The following WDFY4 variants were observed in gnomAD, a reference collection of about 807,000 sequenced individuals.
WDFY4 encodes WD repeat- and FYVE domain-containing protein 4.
In WDFY4, 169 loss-of-function variants were observed where a neutral mutation model predicts 351.9. That is an observed-to-expected ratio of 0.48 (90% CI 0.42 to 0.55). The LOEUF (loss-of-function observed/expected upper bound fraction) is 0.55, where lower values mean the gene tolerates loss of function less well. Among genes scored for constraint, WDFY4 ranks in the 20% least tolerant of loss-of-function variants. WDFY4 has a pLI of 0.00. For synonymous variants in WDFY4, 1,622 were observed against 1,574.6 expected (o/e 1.03, Z -0.71); for missense variants, 3,803 against 3,935.6 (o/e 0.97, Z 0.90).
At chr10:48,780,778 CACAAG>C (rs1334439054) in intron 19 of WDFY4, among the ~76,000 whole-genome samples, 3 of 152,162 alleles carry the variant, frequency 2.0e-5, no homozygotes, top group Non-Finnish European at 4.4e-5. Context: ...TGGATTTTCA[CACAAG>C]TTCCAGGGAG....
intron 23 of WDFY4, among the ~76,000 whole-genome samples, chr10:48,792,383 A>G (rs538361367): frequency 1.3e-5 from 2 of 152,316 alleles, no homozygotes; most frequent in South Asian, 4.1e-4. Context: ...TCTCTACTGG[A>G]ATCTTCTAAA....
At chr10:48,860,720 T>C (rs2069307037) in intron 39 of WDFY4, among the ~76,000 whole-genome samples, 1 of 152,240 alleles carries the variant, frequency 6.6e-6, no homozygotes, top group Non-Finnish European at 1.5e-5. Flanking sequence ...TGATATTTTC[T>C]ATTTTCAATT....
At chr10:48,835,296 GT>G (rs2068348055) in intron 39 of WDFY4, among the ~76,000 whole-genome samples, 1 of 152,222 alleles carries the variant, frequency 6.6e-6, no homozygotes, top group Admixed American at 6.5e-5. Context: ...GGCTGGGCTT[GT>G]TCAGATGGAG....
intron 11 of WDFY4, among the ~76,000 whole-genome samples, chr10:48,740,081 C>A (rs868110737): frequency 6.6e-6 from 1 of 152,168 alleles, no homozygotes; most frequent in Admixed American, 6.5e-5. Flanking sequence ...CTAACAGAAG[C>A]GCTTATTCAT....
At chr10:48,963,691 C>A in intron 53 of WDFY4, 151 bp from the exon 54 acceptor site, 1 of 874,108 alleles carries the variant, frequency 1.1e-6, no homozygotes, top group Non-Finnish European at 1.7e-6. Context: ...GCTCATCCTG[C>A]CTCTTTGTGC....
At chr10:48,802,735 A>G in intron 24 of WDFY4, 1 of 471,314 alleles carries the variant, frequency 2.1e-6, no homozygotes, top group South Asian at 1.5e-5. Flanking sequence ...TTTGTCATGC[A>G]TGAGATGACA....
chr10:48,864,275 G>C (rs904081866), intron 39 of WDFY4, among the ~76,000 whole-genome samples: 2 of 152,122 alleles, frequency 1.3e-5, no homozygotes, highest in South Asian at 2.1e-4. Context: ...ATGCAGTAAA[G>C]GTTTAACTTC....
chr10:48,924,331 C>A (rs1296560649), intron 47 of WDFY4, among the ~76,000 whole-genome samples: 2 of 152,130 alleles, frequency 1.3e-5, no homozygotes, highest in Non-Finnish European at 2.9e-5. Flanking sequence ...AGAAGCAGAC[C>A]CAGTGCCAGA....
At position 48,727,616 on chromosome 10, in the gene WDFY4, G is replaced by C. The variant is rs2064313165; in HGVS notation, c.928G>C (p.Glu310Gln). The C allele has an allele frequency of 6.4e-7, 1 of 1,552,022 alleles. No homozygotes were observed. The highest frequency in any genetic ancestry group is 8.7e-7 in the Non-Finnish European group (1 of 1,147,052). The change falls in exon 7 of 62, where the codon GAG becomes CAG. Residue 310 changes from glutamate to glutamine, a missense_variant. Coordinates refer to ENST00000325239, the MANE Select transcript of WDFY4 (RefSeq NM_001394531.1). ...PVSSALFLEF[E>Q]NSEGYPLLLK... ...CTCCTCGGCTCTGTTCCTGGAGTTT[G>C]AGAATTCAGAGGGCTATCCTCTGCT...
intron 21 of WDFY4, among the ~76,000 whole-genome samples, chr10:48,789,371 G>A (rs1020968782): frequency 6.6e-6 from 1 of 152,222 alleles, no homozygotes; most frequent in Non-Finnish European, 1.5e-5. Context: ...ACCCCCAGAG[G>A]ATGGGGAGTC....
intron 1 of WDFY4, among the ~76,000 whole-genome samples, chr10:48,686,563 T>C (rs2063056800): frequency 6.6e-6 from 1 of 152,214 alleles, no homozygotes; most frequent in Non-Finnish European, 1.5e-5. Flanking sequence ...TTTAAATCGC[T>C]ATATATGTAT....
At chr10:48,793,385 C>G (rs1379939983) in intron 23 of WDFY4, among the ~76,000 whole-genome samples, 1 of 152,156 alleles carries the variant, frequency 6.6e-6, no homozygotes, top group Non-Finnish European at 1.5e-5. Flanking sequence ...GGAAACATTT[C>G]AAATATTTAT....
chr10:48,742,916 G>C, intron 11 of WDFY4, 52 bp from the exon 12 acceptor site: 1 of 1,479,248 alleles, frequency 6.8e-7, no homozygotes, highest in South Asian at 1.3e-5. Context: ...TGTGGGCTCA[G>C]GGTTAATCTA....
intron 25 of WDFY4, among the ~76,000 whole-genome samples, chr10:48,803,680 C>G (rs1038687743): frequency 6.6e-6 from 1 of 152,144 alleles, no homozygotes; most frequent in Admixed American, 6.5e-5. Context: ...AGTCAGGGCT[C>G]TTTTACCCTT....
chr10:48,875,405 A>C (rs1407213676), intron 42 of WDFY4, among the ~76,000 whole-genome samples: 1 of 152,178 alleles, frequency 6.6e-6, no homozygotes, highest in Non-Finnish European at 1.5e-5. Context: ...TATCAGGGAG[A>C]TCTTAAAAGT....
intron 19 of WDFY4, among the ~76,000 whole-genome samples, chr10:48,785,517 A>T (rs1204285599): frequency 6.6e-6 from 1 of 152,146 alleles, no homozygotes; most frequent in Non-Finnish European, 1.5e-5. Flanking sequence ...TAATTTTTGT[A>T]TAAGGTGTAA....
At chr10:48,798,349 G>A (rs11101494) in intron 24 of WDFY4, among the ~76,000 whole-genome samples, 10,960 of 151,798 alleles carry the variant, frequency 0.072, 689 homozygotes, top group Middle Eastern at 0.16. Context: ...GATCAACAAG[G>A]CCAATTACTG....
At chr10:48,843,583 G>T (rs557506012) in intron 39 of WDFY4, among the ~76,000 whole-genome samples, 2 of 152,286 alleles carry the variant, frequency 1.3e-5, no homozygotes, top group Non-Finnish European at 2.9e-5. Context: ...TATACTGTAT[G>T]TATCAAGATC....
intron 3 of WDFY4, among the ~76,000 whole-genome samples, chr10:48,720,722 TG>T (rs1043526684): frequency 2.0e-5 from 3 of 152,164 alleles, no homozygotes; most frequent in Non-Finnish European, 4.4e-5. Flanking sequence ...TGCACCTGTG[TG>T]TTCAGTGGAG....
Sources: allele counts gnomAD v4.1 joint callset (sites outside exome capture counted in the v4.1 genomes callset), GRCh38; gene constraint gnomAD v4.1.1; transcripts MANE v1.5; gene names NCBI Gene and HGNC (gene_info 2026-07-23, HGNC 2026-07-21).